The following NRXN1 variants were observed in gnomAD, a reference collection of about 807,000 sequenced individuals.
The protein encoded by NRXN1 is neurexin-1.
NRXN1 carries 39 observed loss-of-function variants against 150.9 expected under a neutral mutation model. That is an observed-to-expected ratio of 0.26 (90% confidence interval 0.20 to 0.34). The LOEUF (loss-of-function observed/expected upper bound fraction) is 0.34, where lower values mean the gene tolerates loss of function less well. Ranked by LOEUF, NRXN1 falls within the 10% of genes least tolerant of loss-of-function variation. The probability of loss-of-function intolerance (pLI) is 1.00; values close to 1 mark genes in which losing one functional copy is unlikely to be tolerated. For synonymous variants in NRXN1, 924 were observed against 757.0 expected (o/e 1.22, Z -3.62); for missense variants, 1,815 against 1,949.9 (o/e 0.93, Z 1.30).
chr2:50,174,864 G>A (rs2060254777), intron 18 of NRXN1: 2 of 152,082 alleles, frequency 1.3e-5, no homozygotes, highest in Admixed American at 1.3e-4. Flanking sequence ...CTGAAGTAAT[G>A]ATAATTTAAA....
chr2:50,001,092 C>A (rs556628912), intron 21 of NRXN1, among the ~76,000 whole-genome samples: 34 of 152,168 alleles, frequency 2.2e-4, no homozygotes, highest in African/African-American at 7.5e-4. Flanking sequence ...AAATCTCAGA[C>A]CATTGTAGTC....
intron 5 of NRXN1, among the ~76,000 whole-genome samples, chr2:50,774,602 T>A (rs934392992): frequency 2.6e-5 from 4 of 152,184 alleles, no homozygotes; most frequent in Admixed American, 6.5e-5. Flanking sequence ...TGAAGGGAAC[T>A]GGTATATAAA....
At chr2:50,586,114 C>T (rs572033335) in intron 8 of NRXN1, among the ~76,000 whole-genome samples, 1 of 152,328 alleles carries the variant, frequency 6.6e-6, no homozygotes, top group Non-Finnish European at 1.5e-5. Context: ...GCTCCATCTA[C>T]ATTAGCCTTT....
At position 50,150,038 on chromosome 2, in the gene NRXN1, A is replaced by AT. The variant is rs377320007; in HGVS notation, c.3547-58545dup. On this transcript the variant is annotated intron_variant, in intron 18 of 22. Transcript: ENST00000401669. ...AAGACTTGCACTCTTTATATTTCTT[A>AT]TTTTTTTTCCTTCTATTAGTGAATT... Among the ~76,000 whole-genome samples, 287 of 151,478 alleles carry AT rather than the reference A, an allele frequency of 1.9e-3. 1 individual carries two copies. The highest frequency in any genetic ancestry group is 6.5e-3 in the African/African-American group (268 of 41,388).
intron 8 of NRXN1, among the ~76,000 whole-genome samples, chr2:50,578,235 T>C (rs1671731244): frequency 6.6e-6 from 1 of 152,210 alleles, no homozygotes; most frequent in Non-Finnish European, 1.5e-5. Flanking sequence ...TCAATTTCTC[T>C]TAAATCACTC....
chr2:50,425,125 G>A (rs1412241997), intron 17 of NRXN1, among the ~76,000 whole-genome samples: 1 of 152,182 alleles, frequency 6.6e-6, no homozygotes, highest in Non-Finnish European at 1.5e-5. Flanking sequence ...ACTTGATGGT[G>A]AGCATGCAAC....
intron 2 of NRXN1, among the ~76,000 whole-genome samples, chr2:50,970,555 C>T (rs1324195422): frequency 6.6e-6 from 1 of 151,972 alleles, no homozygotes; most frequent in Non-Finnish European, 1.5e-5. Flanking sequence ...GATGGAAACA[C>T]CAGAATAACC....
At chr2:50,815,076 T>C (rs1475119572) in intron 5 of NRXN1, among the ~76,000 whole-genome samples, 1 of 152,124 alleles carries the variant, frequency 6.6e-6, no homozygotes, top group East Asian at 1.9e-4. Flanking sequence ...CTTTTTTTTT[T>C]CCTTTTTGCC....
chr2:50,818,634 T>C (rs899424633), intron 5 of NRXN1, among the ~76,000 whole-genome samples: 16 of 151,980 alleles, frequency 1.1e-4, no homozygotes, highest in African/African-American at 3.9e-4. Flanking sequence ...ATTTCCTGAA[T>C]ACGACACCAA....
chr2:51,012,907 GC>G (rs1350611271), intron 2 of NRXN1, among the ~76,000 whole-genome samples: 1 of 151,686 alleles, frequency 6.6e-6, no homozygotes, highest in East Asian at 1.9e-4. Context: ...CTATTTTTCT[GC>G]CCTCTAATCT....
At chr2:50,892,245 C>A (rs552337684) in intron 5 of NRXN1, among the ~76,000 whole-genome samples, 1 of 151,958 alleles carries the variant, frequency 6.6e-6, no homozygotes, top group African/African-American at 2.4e-5. Flanking sequence ...GAGAACATGG[C>A]ATTTATTAAG....
chr2:50,089,365 T>C (rs1243771211), intron 19 of NRXN1, among the ~76,000 whole-genome samples: 1 of 152,218 alleles, frequency 6.6e-6, no homozygotes, highest in Non-Finnish European at 1.5e-5. Flanking sequence ...TACCCTACTA[T>C]ATATTTTCAT....
chr2:49,957,169 C>T (rs769459252), intron 21 of NRXN1, among the ~76,000 whole-genome samples: 1 of 152,090 alleles, frequency 6.6e-6, no homozygotes, highest in Non-Finnish European at 1.5e-5. Context: ...GTCTTAAATC[C>T]CAGCTCTGCC....
intron 19 of NRXN1, among the ~76,000 whole-genome samples, chr2:50,055,690 A>G (rs903531861): frequency 6.6e-6 from 1 of 152,226 alleles, no homozygotes. Flanking sequence ...TTATTACAGG[A>G]AAAGGCTTTG....
At chr2:50,728,120 A>C (rs1697622706) in intron 5 of NRXN1, among the ~76,000 whole-genome samples, 1 of 152,082 alleles carries the variant, frequency 6.6e-6, no homozygotes, top group Non-Finnish European at 1.5e-5. Flanking sequence ...GACATTGTGC[A>C]CTGTACAAAC....
chr2:50,370,286 C>T (rs2079921379), intron 17 of NRXN1, among the ~76,000 whole-genome samples: 2 of 151,984 alleles, frequency 1.3e-5, no homozygotes, highest in African/African-American at 4.8e-5. Context: ...CCACTTACAA[C>T]ATTTTCCCAT....
chr2:51,022,975 G>T (rs942003411), intron 2 of NRXN1, among the ~76,000 whole-genome samples: 2 of 152,080 alleles, frequency 1.3e-5, no homozygotes, highest in East Asian at 3.9e-4. Flanking sequence ...TCCACATAAA[G>T]GGTTCAGGTA....
chr2:50,836,993 T>C (rs1282130002), intron 5 of NRXN1, among the ~76,000 whole-genome samples: 1 of 152,066 alleles, frequency 6.6e-6, no homozygotes, highest in East Asian at 1.9e-4. Flanking sequence ...TATGGTCATG[T>C]CTGGGTTTTC....
intron 9 of NRXN1, among the ~76,000 whole-genome samples, chr2:50,545,955 G>A (rs2093483646): frequency 6.6e-6 from 1 of 151,964 alleles, no homozygotes; most frequent in East Asian, 1.9e-4. Flanking sequence ...CATTGTTTAA[G>A]AAACAATGAC....
Sources: gnomAD v4.1 joint callset for allele counts (sites outside exome capture counted in the v4.1 genomes callset) on GRCh38, gnomAD v4.1.1 for gene constraint, MANE v1.5 for transcripts, NCBI Gene and HGNC (gene_info 2026-07-23, HGNC 2026-07-21) for gene names.